Variants in CNTN1 observed in about 807,000 individuals in gnomAD.
CNTN1 encodes the protein contactin-1.
Under a neutral mutation model 126.4 loss-of-function variants are expected in CNTN1, and 38 were observed. The observed-to-expected ratio is 0.30, with a 90% CI of 0.23 to 0.39. CNTN1 has a LOEUF of 0.39. Among genes scored for constraint, CNTN1 ranks in the 10% least tolerant of loss-of-function variants. The probability of loss-of-function intolerance (pLI) is 1.00; values close to 1 mark genes in which losing one functional copy is unlikely to be tolerated. For missense variants in CNTN1, 1,009 were observed against 1,248.4 expected, an observed-to-expected ratio of 0.81 and a Z score of 2.89; for synonymous variants, 413 against 422.6, an observed-to-expected ratio of 0.98 and a Z score of 0.28.
At chr12:40,970,357 G>A (rs1428505702) in intron 15 of CNTN1, among the ~76,000 whole-genome samples, 1 of 151,946 alleles carries the variant, frequency 6.6e-6, no homozygotes, top group Non-Finnish European at 1.5e-5. Context: ...AGGATTTTCA[G>A]TTCTCATCAA....
intron 1 of CNTN1, among the ~76,000 whole-genome samples, chr12:40,813,050 T>C (rs1294890073): frequency 7.6e-5 from 10 of 132,076 alleles, no homozygotes; most frequent in African/African-American, 2.9e-4. Flanking sequence ...TTTCTTTCTT[T>C]CTTTCTTTCT....
chr12:40,895,755 ATTTTT>A (rs35784846), intron 1 of CNTN1, among the ~76,000 whole-genome samples: 2 of 121,722 alleles, frequency 1.6e-5, no homozygotes, highest in Admixed American at 8.4e-5. Context: ...GTGCTTCAAG[ATTTTT>A]TTTTTTTTTT....
At position 41,059,801 on chromosome 12, in the gene CNTN1, G is replaced by A. The variant is rs185025750; in HGVS notation, c.2981-10158G>A. On this transcript the variant is annotated intron_variant, in intron 23 of 23. Coordinates refer to ENST00000551295, the MANE Select transcript of CNTN1 (RefSeq NM_001843.4). ...GTACTTTGCAGGGTCGAGGTGAGAG[G>A]ATTGCTTGAATCCAGGAGTTCCAGA... 8.2e-4 allele frequency among the ~76,000 whole-genome samples: 125 copies of A among 152,212 alleles called. 2 individuals are homozygous for A. Among genetic ancestry groups the A allele is most frequent in the Admixed American group, 7.8e-3 (119 of 15,290 alleles).
chr12:40,958,289 G>A (rs1946964218), intron 14 of CNTN1, among the ~76,000 whole-genome samples: 1 of 151,548 alleles, frequency 6.6e-6, no homozygotes, highest in Non-Finnish European at 1.5e-5. Context: ...TTGAATAAAA[G>A]TGTGTGTATG....
intron 1 of CNTN1, among the ~76,000 whole-genome samples, chr12:40,813,015 C>CCTTTCTTTCTTTTTCTTTCCTTTCTTT (rs1592114938): frequency 2.0e-5 from 2 of 97,758 alleles, no homozygotes; most frequent in Non-Finnish European, 4.7e-5. Flanking sequence ...TTCCTTCCAT[C>CCTTTCTTTCTTTTTCTTTCCTTTCTTT]CTTTCTTTCT....
chr12:40,814,717 T>G (rs1437628960), intron 1 of CNTN1, among the ~76,000 whole-genome samples: 1 of 152,186 alleles, frequency 6.6e-6, no homozygotes, highest in East Asian at 1.9e-4. Flanking sequence ...AAGTAGTTTT[T>G]TTTCCAGTTC....
chr12:40,914,146 C>T (rs566155455), intron 3 of CNTN1, among the ~76,000 whole-genome samples: 27 of 152,072 alleles, frequency 1.8e-4, no homozygotes, highest in Non-Finnish European at 7.4e-5. Context: ...ACTTCCAAAG[C>T]ATCAAAATTT....
At chr12:40,987,066 A>G (rs866899767) in intron 16 of CNTN1, among the ~76,000 whole-genome samples, 1 of 152,078 alleles carries the variant, frequency 6.6e-6, no homozygotes, top group Admixed American at 6.6e-5. Flanking sequence ...TAGATTATCT[A>G]TGTGTTGTTT....
At chr12:40,887,317 G>T (rs1401241762) in intron 1 of CNTN1, among the ~76,000 whole-genome samples, 1 of 151,648 alleles carries the variant, frequency 6.6e-6, no homozygotes, top group East Asian at 1.9e-4. Context: ...GAATTTACAA[G>T]AAAAAAACAA....
chr12:40,735,658 A>T lies in CNTN1; in HGVS notation c.-77+43066A>T, dbSNP rs529386459. 6.9e-4 allele frequency among the ~76,000 whole-genome samples: 105 copies of T among 152,258 alleles called. No individual in the cohort carries two copies. The South Asian group carries it at 0.021, about 30-fold the overall frequency. Reference sequence around the variant, plus strand: ...AACCATGTTTTTGACAAAAATAGGGATATCTATAATCTTGAATCACAATTT... The same window carrying T: ...AACCATGTTTTTGACAAAAATAGGGTTATCTATAATCTTGAATCACAATTT... On this transcript the variant is annotated intron_variant, in intron 1 of 23. Transcript: ENST00000551295.
chr12:40,946,716 C>G (rs1018795914), intron 14 of CNTN1, among the ~76,000 whole-genome samples: 2 of 152,018 alleles, frequency 1.3e-5, no homozygotes, highest in South Asian at 4.2e-4. Context: ...ATTTCAAGAA[C>G]CTAAGTTTTT....
chr12:40,933,410 C>T (rs752951944), intron 7 of CNTN1, 51 bp from the exon 8 acceptor site: 9 of 1,211,806 alleles, frequency 7.4e-6, no homozygotes, highest in African/African-American at 1.5e-5. Context: ...TTAAGAATAA[C>T]TAATATTGTG....
intron 7 of CNTN1, among the ~76,000 whole-genome samples, chr12:40,930,349 T>G (rs887013911): frequency 7.2e-5 from 11 of 152,018 alleles, no homozygotes; most frequent in Admixed American, 7.2e-4. Context: ...AGTAAGCTCA[T>G]GAAGAAATCA....
intron 23 of CNTN1, among the ~76,000 whole-genome samples, chr12:41,047,637 T>C (rs1314927097): frequency 6.6e-6 from 1 of 152,028 alleles, no homozygotes; most frequent in African/African-American, 2.4e-5. Context: ...TCTTACTCAT[T>C]CCATGGAGAC....
In CNTN1 at chr12:40,860,109, G is replaced by A. The variant is rs140799875; in HGVS notation, c.-76-48248G>A. Among the ~76,000 whole-genome samples, 313 of 151,918 alleles carry A rather than the reference G, an allele frequency of 2.1e-3. 3 individuals are homozygous for A. The highest frequency in any genetic ancestry group is 0.017 in the Admixed American group (262 of 15,236). On this transcript the variant is annotated intron_variant, in intron 1 of 23. Transcript: ENST00000551295. ...CTTTACATAATATTGATCAGAAATC[G>A]GATTTTTAAACTCATTAGGCTCAAT...
intron 3 of CNTN1, among the ~76,000 whole-genome samples, chr12:40,913,821 C>G (rs1226597432): frequency 6.6e-6 from 1 of 152,136 alleles, no homozygotes; most frequent in Non-Finnish European, 1.5e-5. Flanking sequence ...GTAAATATGA[C>G]TGCAAATATT....
At chr12:40,775,514 G>A (rs1939544904) in intron 1 of CNTN1, among the ~76,000 whole-genome samples, 1 of 151,276 alleles carries the variant, frequency 6.6e-6, no homozygotes, top group East Asian at 1.9e-4. Flanking sequence ...TCCTAGTAGG[G>A]AATAACATAT....
intron 1 of CNTN1, among the ~76,000 whole-genome samples, chr12:40,850,544 T>TA (rs58576462): frequency 6.7e-4 from 98 of 146,510 alleles, no homozygotes; most frequent in South Asian, 8.6e-4. Flanking sequence ...TTCTTTGCAT[T>TA]AAAAAAAAAA....
chr12:41,026,291 G>A lies in CNTN1; in HGVS notation c.2710+955G>A, dbSNP rs138566585. Among the ~76,000 whole-genome samples, 544 of 152,210 alleles carry A rather than the reference G, an allele frequency of 3.6e-3. 2 individuals carry two copies. The highest frequency in any genetic ancestry group is 8.6e-3 in the African/African-American group (356 of 41,552). On this transcript the variant is annotated intron_variant, in intron 21 of 23. Coordinates refer to ENST00000551295, the MANE Select transcript of CNTN1 (RefSeq NM_001843.4). Reference sequence around the variant, plus strand: ...CAAACCAGTCCAAGGTGCTATTCTCGCATGGTTTACAAGCTAATGAAATGA... The same window carrying A: ...CAAACCAGTCCAAGGTGCTATTCTCACATGGTTTACAAGCTAATGAAATGA...
Sources: allele counts gnomAD v4.1 joint callset (sites outside exome capture counted in the v4.1 genomes callset), GRCh38; gene constraint gnomAD v4.1.1; transcripts MANE v1.5; gene names NCBI Gene and HGNC (gene_info 2026-07-23, HGNC 2026-07-21).